Variants in GLCCI1 observed in about 807,000 individuals in gnomAD.
GLCCI1 encodes the protein glucocorticoid-induced transcript 1 protein.
A neutral mutation model predicts 52.2 loss-of-function variants in GLCCI1; 24 were observed. That is an observed-to-expected ratio of 0.46 (90% CI 0.33 to 0.65). The LOEUF is 0.65. Among genes scored for constraint, GLCCI1 ranks in the 30% least tolerant of loss-of-function variants. The pLI is 0.02. For synonymous variants in GLCCI1, 310 were observed against 276.5 expected, an observed-to-expected ratio of 1.12 and a Z score of -1.20; for missense variants, 704 against 701.5, an observed-to-expected ratio of 1.00 and a Z score of -0.04.
At chr7:7,995,471 C>T (rs1780920296) in intron 1 of GLCCI1, among the ~76,000 whole-genome samples, 2 of 152,204 alleles carry the variant, frequency 1.3e-5, no homozygotes, top group South Asian at 4.1e-4. Flanking sequence ...GATCGTGCCA[C>T]TGCACTCTAG....
At chr7:8,016,235 C>T (rs927129215) in intron 2 of GLCCI1, among the ~76,000 whole-genome samples, 5 of 152,146 alleles carry the variant, frequency 3.3e-5, no homozygotes, top group Admixed American at 6.5e-5. Flanking sequence ...TTTGGGAGAC[C>T]GAGGTGGGCA....
At chr7:7,978,386 A>G (rs760991884) in intron 1 of GLCCI1, among the ~76,000 whole-genome samples, 2 of 152,332 alleles carry the variant, frequency 1.3e-5, no homozygotes, top group Non-Finnish European at 1.5e-5. Flanking sequence ...TTTTTATACA[A>G]CACTGTCATG....
intron 1 of GLCCI1, among the ~76,000 whole-genome samples, chr7:7,976,880 C>G (rs967579718): frequency 2.0e-5 from 3 of 151,520 alleles, no homozygotes; most frequent in African/African-American, 7.3e-5. Flanking sequence ...TGAAATCACC[C>G]TACTGCACTC....
At chr7:8,067,382 G>A (rs1756814502) in intron 5 of GLCCI1, among the ~76,000 whole-genome samples, 1 of 152,032 alleles carries the variant, frequency 6.6e-6, no homozygotes, top group Non-Finnish European at 1.5e-5. Context: ...TTACATTCAA[G>A]GTTAATATTG....
chr7:7,983,812 T>C (rs1331410282), intron 1 of GLCCI1, among the ~76,000 whole-genome samples: 1 of 152,198 alleles, frequency 6.6e-6, no homozygotes, highest in Non-Finnish European at 1.5e-5. Flanking sequence ...ACTGATGGTT[T>C]TTATCTTCAT....
intron 3 of GLCCI1, among the ~76,000 whole-genome samples, chr7:8,026,091 G>T (rs189946378): frequency 1.3e-3 from 192 of 152,272 alleles, no homozygotes; most frequent in Non-Finnish European, 2.2e-3. Flanking sequence ...TGGATTTATA[G>T]CAGGTACATG....
chr7:7,975,684 G>A (rs571220120), intron 1 of GLCCI1, among the ~76,000 whole-genome samples: 2 of 152,310 alleles, frequency 1.3e-5, no homozygotes, highest in South Asian at 4.1e-4. Flanking sequence ...GTGAGACCTA[G>A]TTTGTTGAAT....
chr7:8,050,387 G>T (rs1782230307), intron 3 of GLCCI1, among the ~76,000 whole-genome samples: 1 of 152,088 alleles, frequency 6.6e-6, no homozygotes, highest in Admixed American at 6.5e-5. Flanking sequence ...TTTATTTTTA[G>T]AAGTTTGAGA....
chr7:8,078,208 T>TAAA (rs5882151), intron 6 of GLCCI1, among the ~76,000 whole-genome samples: 4,572 of 85,882 alleles, frequency 0.053, 245 homozygotes, highest in Non-Finnish European at 0.064. Flanking sequence ...GACTCCGTCT[T>TAAA]AAAAAAAAAA....
rs1783154414 is a variant in GLCCI1, at chr7:8,088,007, C to G, written c.*1469C>G. 1 of 152,218 alleles carries G rather than the reference C, an allele frequency of 6.6e-6. No homozygotes were observed. Among genetic ancestry groups the G allele is most frequent in the Non-Finnish European group, 1.5e-5 (1 of 68,034 alleles). 9.4% of individuals were successfully genotyped at this position (152,218 alleles called of 1,614,324 possible). A position where few individuals can be genotyped will look rare whatever the true frequency, so the allele number is the denominator to read the frequency against. On this transcript the variant is annotated 3_prime_UTR_variant, in exon 8 of 8. Coordinates refer to ENST00000223145, the MANE Select transcript of GLCCI1 (RefSeq NM_138426.4). ...AAAGCTAAGTTTTTGTATTCCACTA[C>G]TTTCAGTTCAATAAAACCTAGAGTT...
At chr7:8,000,757 G>A (rs1450672114) in intron 1 of GLCCI1, among the ~76,000 whole-genome samples, 1 of 152,100 alleles carries the variant, frequency 6.6e-6, no homozygotes, top group African/African-American at 2.4e-5. Context: ...TAATGTTGAT[G>A]TCAAGAATCT....
intron 1 of GLCCI1, among the ~76,000 whole-genome samples, chr7:7,974,477 A>G (rs1359171581): frequency 1.3e-5 from 2 of 152,128 alleles, no homozygotes; most frequent in Admixed American, 1.3e-4. Flanking sequence ...TTCTGTAAGG[A>G]CTTAATGCAA....
At position 8,086,660 on chromosome 7, in the gene GLCCI1, G is replaced by GTTT; in HGVS notation, c.*123_*124insTTT. 1 of 807,124 alleles carries GTTT rather than the reference G, an allele frequency of 1.2e-6. No individual in the cohort carries two copies. The highest frequency in any genetic ancestry group is 1.9e-6 in the Non-Finnish European group (1 of 512,830). The allele number at this position is 807,124 out of a possible 1,614,324, so 50.0% of individuals were successfully genotyped here. Reference sequence around the variant, plus strand: ...CAATAATACTTATCAGCATCATAAAGTATCTCTTAAACACTGATCTTGGCA... The same window carrying GTTT: ...CAATAATACTTATCAGCATCATAAAGTTTTATCTCTTAAACACTGATCTTGGCA... On this transcript the variant is annotated 3_prime_UTR_variant, in exon 8 of 8. Transcript: ENST00000223145. The surrounding 1 kb of genome is among the most constrained non-coding windows in gnomAD (Gnocchi z 4.4).
chr7:7,990,600 G>A (rs1780820539), intron 1 of GLCCI1, among the ~76,000 whole-genome samples: 1 of 152,072 alleles, frequency 6.6e-6, no homozygotes, highest in Admixed American at 6.6e-5. Context: ...TTCTGTGTAT[G>A]CAGACATAGA....
At chr7:8,051,610 C>G in intron 3 of GLCCI1, among the ~76,000 whole-genome samples, 1 of 152,208 alleles carries the variant, frequency 6.6e-6, no homozygotes, top group East Asian at 1.9e-4. Context: ...CCCTTCACCC[C>G]CAGCAGTGGA....
chr7:8,053,363 G>A (rs568472558), intron 3 of GLCCI1, among the ~76,000 whole-genome samples: 48 of 140,240 alleles, frequency 3.4e-4, no homozygotes, highest in South Asian at 3.3e-3. Flanking sequence ...TCGCACTGTC[G>A]CCCAGGTTGG....
chr7:8,071,236 A>G (rs1006574825), intron 6 of GLCCI1, 105 bp downstream of exon 6: 36 of 854,278 alleles, frequency 4.2e-5, no homozygotes, highest in Non-Finnish European at 6.2e-5. Context: ...CAATGGTGAC[A>G]TTGTCAAAGA....
intron 3 of GLCCI1, among the ~76,000 whole-genome samples, chr7:8,044,889 A>AT (rs1237771165): frequency 6.6e-6 from 1 of 152,248 alleles, no homozygotes; most frequent in Admixed American, 6.5e-5. Flanking sequence ...TAGAAAAAAA[A>AT]GTCTTGGTGA....
At chr7:8,047,085 A>G (rs886315827) in intron 3 of GLCCI1, among the ~76,000 whole-genome samples, 49 of 152,206 alleles carry the variant, frequency 3.2e-4, no homozygotes, top group African/African-American at 1.0e-3. Flanking sequence ...CATTCTAGCA[A>G]TTAGGGAAAA....
Sources: allele counts gnomAD v4.1 joint callset (sites outside exome capture counted in the v4.1 genomes callset), GRCh38; gene constraint gnomAD v4.1.1; non-coding constraint Gnocchi (gnomAD v3.1); transcripts MANE v1.5; gene names NCBI Gene and HGNC (gene_info 2026-07-23, HGNC 2026-07-21).